UBR4: variants seen among roughly 807,000 people sequenced by gnomAD.
The protein encoded by UBR4 is E3 ubiquitin-protein ligase UBR4.
In UBR4, 124 loss-of-function variants were observed where a neutral mutation model predicts 575.6. The observed-to-expected ratio is 0.22, with a 90% CI of 0.19 to 0.25. The LOEUF is 0.25. Ranked by LOEUF, UBR4 falls within the 10% of genes least tolerant of loss-of-function variation. The pLI is 1.00. For missense variants in UBR4, 4,818 were observed against 6,478.8 expected (o/e 0.74, Z 8.80); for synonymous variants, 2,455 against 2,473.7 (o/e 0.99, Z 0.22).
chr1:19,146,812 G>A lies in UBR4; in HGVS notation c.7804+14C>T. The A allele has an allele frequency of 3.7e-6, 6 of 1,608,936 alleles. No homozygotes were observed. The Middle Eastern group carries it at 8.5e-4, about 228-fold the overall frequency. The stretch of plus-strand genomic sequence containing the variant: ...AGCAGATCTCAGGACCACGGCCACA[G>A]AGGCCAAGTTCACCTGTTTCCATCT... On this transcript the variant is annotated intron_variant, in intron 52 of 105. Transcript: ENST00000375254.
At chr1:19,106,754 T>C (rs2079246502) in intron 82 of UBR4, 28 bp from the exon 83 acceptor site, 1 of 1,597,902 alleles carries the variant, frequency 6.3e-7, no homozygotes, top group Non-Finnish European at 8.6e-7. Context: ...GCAGGGGTAG[T>C]AGGTAAGTAA....
In UBR4 at chr1:19,081,577, G is replaced by A. The variant is rs751677593; in HGVS notation, c.15009-4C>T. The A allele has an allele frequency of 6.2e-7, 1 of 1,613,884 alleles. No individual in the cohort carries two copies. The highest frequency in any genetic ancestry group is 8.5e-7 in the Non-Finnish European group (1 of 1,179,996). ...TTCTCGGGAAGTTGCTCGGGTTCTA[G>A]AAGAAAAGCGGCATGATAAAATAAA... On this transcript the variant is annotated splice_region_variant and splice_polypyrimidine_tract_variant and intron_variant, in intron 102 of 105. Transcript: ENST00000375254.
chr1:19,160,307 AGTG>A, intron 38 of UBR4, 26 bp from the exon 39 acceptor site: 1 of 1,489,880 alleles, frequency 6.7e-7, no homozygotes, highest in Non-Finnish European at 9.0e-7. Flanking sequence ...AAAATACACC[AGTG>A]AAAAAAAAAA....
Position 19,153,399 on chromosome 1 carries a change from T to C in UBR4, c.6734A>G (p.Asn2245Ser), listed in dbSNP as rs751222083. The C allele has an allele frequency of 3.7e-6, 6 of 1,614,214 alleles. No homozygotes were observed. The highest frequency in any genetic ancestry group is 1.1e-5 in the South Asian group (1 of 91,080). The change falls in exon 46 of 106, where the codon AAC becomes AGC. Residue 2245 changes from asparagine to serine, a missense_variant. Asn to Ser is a conservative substitution (Grantham distance 46). This residue lies in a region of UBR4 where 461 missense variants were observed against 606.9 expected (regional missense o/e 0.76). Coordinates refer to ENST00000375254, the MANE Select transcript of UBR4 (RefSeq NM_020765.3). This position sits in a 1 kb window ranked among gnomAD's most constrained non-coding sequence, Gnocchi z 4.1. ...EDGSLRIYMANVENTSYWLQP... is the reference protein window; with the variant it reads ...EDGSLRIYMASVENTSYWLQP... The stretch of plus-strand genomic sequence containing the variant: ...CAGCCAGTAGGAGGTGTTCTCCACG[T>C]TGGCCATGTAAATGCGCAGGCTGCC...
At chr1:19,140,960 C>A in intron 57 of UBR4, 68 bp from the exon 58 acceptor site, 1 of 1,473,284 alleles carries the variant, frequency 6.8e-7, no homozygotes, top group Non-Finnish European at 9.2e-7. Context: ...GCTTTGGCCA[C>A]CTGCTGCCCT....
rs149774879 is a variant in UBR4, at chr1:19,160,714, A to C, written c.5406+203T>G. ...TGACACAACTAAAATTTATGCTTCC[A>C]TCACCCCCCATAATACTCCTAATAG... On this transcript the variant is annotated intron_variant, in intron 38 of 105. Transcript: ENST00000375254. Among the ~76,000 whole-genome samples the C allele has an allele frequency of 2.2e-4, 34 of 152,298 alleles. No homozygotes were observed. The East Asian group carries it at 5.4e-3, about 24-fold the overall frequency.
At chr1:19,165,082 G>C (rs1179112110) in intron 31 of UBR4, 85 bp from the exon 32 acceptor site, 3 of 1,560,984 alleles carry the variant, frequency 1.9e-6, no homozygotes, top group Non-Finnish European at 2.6e-6. Context: ...CAGGAAAAGG[G>C]GAAATGGCTT....
At position 19,093,820 on chromosome 1, in the gene UBR4, C is replaced by T; in HGVS notation, c.13937+129G>A. ...CTATTCACTTCCCAACTAGACTGAG[C>T]TCCTTAAAAGCCAGAACGAGGACAC... On this transcript the variant is annotated intron_variant, in intron 95 of 105. Coordinates refer to ENST00000375254, the MANE Select transcript of UBR4 (RefSeq NM_020765.3). The surrounding 1 kb of genome is among the most constrained non-coding windows in gnomAD (Gnocchi z 4.8). 1.8e-6 allele frequency: 2 copies of T among 1,086,436 alleles called. No homozygotes were observed. The highest frequency in any genetic ancestry group is 1.7e-5 in the South Asian group (1 of 59,860). 67.3% of individuals were successfully genotyped at this position (1,086,436 alleles called of 1,614,324 possible). A position where few individuals can be genotyped will look rare whatever the true frequency, so the allele number is the denominator to read the frequency against.
At position 19,152,252 on chromosome 1, in the gene UBR4, C is replaced by T; in HGVS notation, c.6996+61G>A. ...TGCTTTCTAAAAGGAGATGTGTTCTCAAACCATATTGTTTGAGTCCTTCTA... is the reference window on the plus strand; with the variant it reads ...TGCTTTCTAAAAGGAGATGTGTTCTTAAACCATATTGTTTGAGTCCTTCTA... On this transcript the variant is annotated intron_variant, in intron 47 of 105. Transcript: ENST00000375254. This position sits in a 1 kb window ranked among gnomAD's most constrained non-coding sequence, Gnocchi z 4.4. 6.3e-7 allele frequency: 1 copy of T among 1,596,734 alleles called. No homozygotes were observed. The highest frequency in any genetic ancestry group is 8.6e-7 in the Non-Finnish European group (1 of 1,167,724).
rs1380694678 is a variant in UBR4 at position 19,155,292 on chromosome 1, A to G, written c.6300+149T>C. ...TAAGAGAGTTTGCTATTAGGTAGAA[A>G]GTTAGATGGAAAAACAAAGAAAAAG... On this transcript the variant is annotated intron_variant, in intron 43 of 105. Transcript: ENST00000375254. 4 of 1,037,504 alleles carry G rather than the reference A, an allele frequency of 3.9e-6. No individual in the cohort carries two copies. In the African/African-American group the frequency reaches 4.9e-5, roughly 13 times the overall value. The allele number at this position is 1,037,504 out of a possible 1,614,324, so 64.3% of individuals were successfully genotyped here.
Position 19,110,192 on chromosome 1 carries a change from A to T in UBR4, c.12009T>A (p.Ile4003=). Residue 4003 remains isoleucine, a synonymous_variant, in exon 81 of 106, where the codon ATT becomes ATA. Coordinates refer to ENST00000375254, the MANE Select transcript of UBR4 (RefSeq NM_020765.3). The surrounding 1 kb of genome is among the most constrained non-coding windows in gnomAD (Gnocchi z 4.5). ...ALSLFLMAVN[I]KTPVVVENIT... The stretch of plus-strand genomic sequence containing the variant: ...TGTTTTCAACCACCACAGGAGTCTT[A>T]ATGTTCACAGCCATGAGGAAAAGGC... 1 of 1,614,220 alleles carries T rather than the reference A, an allele frequency of 6.2e-7. No individual in the cohort carries two copies. The highest frequency in any genetic ancestry group is 8.5e-7 in the Non-Finnish European group (1 of 1,180,038).
intron 47 of UBR4, 95 bp from the exon 48 acceptor site, chr1:19,151,954 C>T (rs2085782731): frequency 1.7e-6 from 2 of 1,144,992 alleles, no homozygotes; most frequent in Non-Finnish European, 2.4e-6. Flanking sequence ...ACATGTGAAG[C>T]TCATTAAAAC....
chr1:19,108,009 G>A (rs1379901339), intron 81 of UBR4, among the ~76,000 whole-genome samples: 1 of 152,162 alleles, frequency 6.6e-6, no homozygotes, highest in Non-Finnish European at 1.5e-5. Context: ...AAATTGTCAT[G>A]ACAGGTTGTT....
At position 19,094,066 on chromosome 1, in the gene UBR4, C is replaced by G; in HGVS notation, c.13820G>C (p.Arg4607Pro). Residue 4607 changes from arginine to proline, a missense_variant, in exon 95 of 106, where the codon CGC becomes CCC. Arg to Pro is a moderately radical substitution (Grantham distance 103). This residue lies in a region of UBR4 where 165 missense variants were observed against 282.3 expected (regional missense o/e 0.58). Coordinates refer to ENST00000375254, the MANE Select transcript of UBR4 (RefSeq NM_020765.3). ...LLDQINSTFVRSNPSVLQGLL... is the reference protein window; with the variant it reads ...LLDQINSTFVPSNPSVLQGLL... Reference sequence around the variant, plus strand: ...GCCCTGGAGCACACTGGGGTTGGAGCGAACAAAGGTGCTGTTGATCTGGTC... The same window carrying G: ...GCCCTGGAGCACACTGGGGTTGGAGGGAACAAAGGTGCTGTTGATCTGGTC... 1 of 1,614,034 alleles carries G rather than the reference C, an allele frequency of 6.2e-7. No individual in the cohort carries two copies. Among genetic ancestry groups the G allele is most frequent in the Non-Finnish European group, 8.5e-7 (1 of 1,179,984 alleles).
chr1:19,206,249 A>G (rs2093001821), intron 1 of UBR4, among the ~76,000 whole-genome samples: 1 of 152,192 alleles, frequency 6.6e-6, no homozygotes, highest in African/African-American at 2.4e-5. Flanking sequence ...AAATAGGAGC[A>G]TCCCTTGAGC....
intron 97 of UBR4, among the ~76,000 whole-genome samples, chr1:19,092,137 C>A (rs547039766): frequency 1.3e-5 from 2 of 152,024 alleles, no homozygotes; most frequent in African/African-American, 2.4e-5. Flanking sequence ...AAAAGGCCAA[C>A]AAGAGGGACC....
chr1:19,110,411 C>G lies in UBR4; in HGVS notation c.11946G>C (p.Glu3982Asp). The G allele has an allele frequency of 1.2e-6, 2 of 1,614,188 alleles. No individual in the cohort carries two copies. The highest frequency in any genetic ancestry group is 1.1e-5 in the South Asian group (1 of 91,080). The change falls in exon 80 of 106, where the codon GAG becomes GAC. Residue 3982 changes from glutamate (E) to aspartate (D), a missense_variant. Glu to Asp is a conservative substitution (Grantham distance 45). Transcript: ENST00000375254. This position sits in a 1 kb window ranked among gnomAD's most constrained non-coding sequence, Gnocchi z 4.5. ...GTAACCGGAGCTCCCAGCAGCTGTC[C>G]TCCTTGGAGATAGAATCCGTCAGCA... is the stretch of plus-strand genomic sequence containing the variant. The part of the protein sequence containing the change: ...MLLLTDSISK[E>D]DSCWELRLRC...
chr1:19,163,690 A>G (rs2087784355), intron 34 of UBR4, 74 bp downstream of exon 34: 2 of 1,504,228 alleles, frequency 1.3e-6, no homozygotes, highest in South Asian at 2.3e-5. Context: ...TAGGAACGAG[A>G]GACTTCCACC....
At position 19,074,645 on chromosome 1, in the gene UBR4, G is replaced by T; in HGVS notation, c.*187C>A. On this transcript the variant is annotated 3_prime_UTR_variant, in exon 106 of 106. Coordinates refer to ENST00000375254, the MANE Select transcript of UBR4 (RefSeq NM_020765.3). ...TTGGGTTACAGACAACCTCATAGCT[G>T]GTGCACCACACACACGAGATAAAAC... The T allele has an allele frequency of 1.5e-6, 1 of 655,548 alleles. No individual in the cohort carries two copies. The highest frequency in any genetic ancestry group is 2.7e-6 in the Non-Finnish European group (1 of 375,676). The allele number at this position is 655,548 out of a possible 1,614,324, so 40.6% of individuals were successfully genotyped here.
Sources: gnomAD v4.1 joint callset for allele counts (sites outside exome capture counted in the v4.1 genomes callset) on GRCh38, gnomAD v4.1.1 for gene constraint, gnomAD v4.1.1 regional missense constraint, Gnocchi (gnomAD v3.1) non-coding constraint, MANE v1.5 for transcripts, NCBI Gene and HGNC (gene_info 2026-07-23, HGNC 2026-07-21) for gene names.